Variants in ANKRD12 observed in about 807,000 individuals in gnomAD.
The protein encoded by ANKRD12 is ankyrin repeat domain 12.
ANKRD12 carries 85 observed loss-of-function variants against 183.4 expected under a neutral mutation model. That is an observed-to-expected ratio of 0.46 (90% CI 0.39 to 0.56). ANKRD12 has a LOEUF of 0.56. Ranked by LOEUF, ANKRD12 falls within the 20% of genes least tolerant of loss-of-function variation. The pLI is 0.00. For synonymous variants in ANKRD12, 914 were observed against 800.2 expected, an observed-to-expected ratio of 1.14 and a Z score of -2.40; for missense variants, 2,405 against 2,357.1, an observed-to-expected ratio of 1.02 and a Z score of -0.42.
chr18:9,152,093 T>C (rs1238857907), intron 1 of ANKRD12, among the ~76,000 whole-genome samples: 2 of 152,198 alleles, frequency 1.3e-5, no homozygotes, highest in Non-Finnish European at 2.9e-5. Flanking sequence ...TGGACTTTGC[T>C]CTCAGTTGTA....
chr18:9,202,546 G>A (rs2035235318), intron 3 of ANKRD12, among the ~76,000 whole-genome samples: 1 of 151,942 alleles, frequency 6.6e-6, no homozygotes, highest in African/African-American at 2.4e-5. Flanking sequence ...AATTATTTTT[G>A]GTATTTTTCT....
At chr18:9,249,747 T>C (rs2038175389) in intron 8 of ANKRD12, 1 of 152,212 alleles carries the variant, frequency 6.6e-6, no homozygotes, top group African/African-American at 2.4e-5. Context: ...TGGACTAACA[T>C]AGGTATAAAT....
At chr18:9,158,621 A>G (rs561870910) in intron 1 of ANKRD12, among the ~76,000 whole-genome samples, 31 of 152,330 alleles carry the variant, frequency 2.0e-4, no homozygotes, top group Non-Finnish European at 3.4e-4. Context: ...ACTTAGCACT[A>G]TTAGCATTAA....
intron 10 of ANKRD12, among the ~76,000 whole-genome samples, chr18:9,270,341 T>C (rs2039527668): frequency 6.6e-6 from 1 of 152,168 alleles, no homozygotes; most frequent in South Asian, 2.1e-4. Context: ...CTATTCACAG[T>C]AGCAAAGACT....
At chr18:9,221,585 G>T (rs753781724) in intron 7 of ANKRD12, among the ~76,000 whole-genome samples, 2 of 152,146 alleles carry the variant, frequency 1.3e-5, no homozygotes, top group African/African-American at 4.8e-5. Context: ...GATGGAACAG[G>T]ATGAAAAAAT....
At chr18:9,138,222 CAT>C (rs138146489) in intron 1 of ANKRD12, among the ~76,000 whole-genome samples, 2,639 of 152,340 alleles carry the variant, frequency 0.017, 83 homozygotes, top group African/African-American at 0.059. Context: ...GTATTAAAAA[CAT>C]ATGCACAGCC....
At chr18:9,186,365 C>T (rs969896453) in intron 2 of ANKRD12, among the ~76,000 whole-genome samples, 1 of 152,090 alleles carries the variant, frequency 6.6e-6, no homozygotes, top group African/African-American at 2.4e-5. Context: ...TTACATTCCT[C>T]TAGTTAACAA....
chr18:9,163,084 G>A (rs974844732), intron 1 of ANKRD12, among the ~76,000 whole-genome samples: 1 of 152,044 alleles, frequency 6.6e-6, no homozygotes, highest in African/African-American at 2.4e-5. Flanking sequence ...TGTTGCAATT[G>A]TTTTTGGCGT....
Position 9,230,123 on chromosome 18 carries a change from A to G in ANKRD12, c.943+8124A>G, listed in dbSNP as rs577920705. ...TTTGGTAGAATTCTGCAGTGAGTCC[A>G]TCTGGTCCCCAGCTTTTCTTTGTTA... On this transcript the variant is annotated intron_variant, in intron 8 of 12. Transcript: ENST00000262126. 1.6e-4 allele frequency among the ~76,000 whole-genome samples: 24 copies of G among 152,282 alleles called. No homozygotes were observed. The South Asian group carries it at 4.8e-3, about 30-fold the overall frequency.
At chr18:9,263,537 G>A (rs532933977) in intron 9 of ANKRD12, among the ~76,000 whole-genome samples, 4 of 152,138 alleles carry the variant, frequency 2.6e-5, no homozygotes, top group African/African-American at 4.8e-5. Flanking sequence ...AATGTGTCTC[G>A]CTGGAATAAC....
chr18:9,243,557 A>G (rs1598667275), intron 8 of ANKRD12, among the ~76,000 whole-genome samples: 1 of 152,212 alleles, frequency 6.6e-6, no homozygotes, highest in Non-Finnish European at 1.5e-5. Context: ...GAGGTTACAC[A>G]GGGCAGTGGA....
At chr18:9,164,164 A>T (rs557946154) in intron 1 of ANKRD12, among the ~76,000 whole-genome samples, 6 of 152,310 alleles carry the variant, frequency 3.9e-5, no homozygotes, top group African/African-American at 1.4e-4. Context: ...GGTTTGTCAT[A>T]TATGGCTGTT....
chr18:9,228,632 T>G (rs1438285988), intron 8 of ANKRD12, among the ~76,000 whole-genome samples: 1 of 152,166 alleles, frequency 6.6e-6, no homozygotes, highest in Non-Finnish European at 1.5e-5. Flanking sequence ...GTCTTCCAAG[T>G]CCTTTGCCCA....
chr18:9,242,962 A>T (rs928186586), intron 8 of ANKRD12, among the ~76,000 whole-genome samples: 7 of 152,210 alleles, frequency 4.6e-5, no homozygotes, highest in African/African-American at 1.7e-4. Context: ...ATTAAAATTC[A>T]TAACCTTTGC....
intron 12 of ANKRD12, among the ~76,000 whole-genome samples, chr18:9,279,971 A>C (rs971132267): frequency 6.6e-6 from 1 of 152,214 alleles, no homozygotes; most frequent in Non-Finnish European, 1.5e-5. Context: ...CAAATCTATA[A>C]ATTATTTGAT....
At chr18:9,151,316 A>G (rs570548139) in intron 1 of ANKRD12, among the ~76,000 whole-genome samples, 13 of 152,240 alleles carry the variant, frequency 8.5e-5, no homozygotes, top group African/African-American at 3.1e-4. Flanking sequence ...TATTTTTTGC[A>G]TGTGAGGAAA....
chr18:9,161,138 T>C (rs2031351732), intron 1 of ANKRD12, among the ~76,000 whole-genome samples: 2 of 152,058 alleles, frequency 1.3e-5, no homozygotes, highest in Admixed American at 1.3e-4. Flanking sequence ...CCTTAAATTT[T>C]TTAAAAACTC....
In ANKRD12 at chr18:9,221,864, T is replaced by C; in HGVS notation, c.808T>C (p.Leu270=). ...SSGHRDIVKL[L]LRHGGNPFQA... is the part of the protein sequence containing the mutation. ...TTTATTGTTGCAGATAGTAAAGCTG[T>C]TACTTCGTCACGGTGGAAATCCATT... The change falls in exon 8 of 13, where the codon TTA becomes CTA. Residue 270 remains leucine, a synonymous_variant. Coordinates refer to ENST00000262126, the MANE Select transcript of ANKRD12 (RefSeq NM_015208.5). 1 of 1,613,890 alleles carries C rather than the reference T, an allele frequency of 6.2e-7. No homozygotes were observed. Among genetic ancestry groups the C allele is most frequent in the Non-Finnish European group, 8.5e-7 (1 of 1,179,868 alleles).
At chr18:9,221,605 A>T (rs72937297) in intron 7 of ANKRD12, among the ~76,000 whole-genome samples, 9,603 of 152,202 alleles carry the variant, frequency 0.063, 330 homozygotes, top group Non-Finnish European at 0.079. Flanking sequence ...TGATGAGATT[A>T]ATTGCTAAAA....
Sources: gnomAD v4.1 joint callset for allele counts (sites outside exome capture counted in the v4.1 genomes callset) on GRCh38, gnomAD v4.1.1 for gene constraint, MANE v1.5 for transcripts, NCBI Gene and HGNC (gene_info 2026-07-23, HGNC 2026-07-21) for gene names.